STARD10: variants seen among roughly 807,000 people sequenced by gnomAD.
STARD10 encodes the protein START domain-containing protein 10.
A neutral mutation model predicts 36.0 loss-of-function variants in STARD10; 24 were observed. The ratio of observed to expected loss-of-function variants is 0.67; its 90% CI spans 0.48 to 0.94. The LOEUF (loss-of-function observed/expected upper bound fraction) is 0.94, where lower values mean the gene tolerates loss of function less well. STARD10 is among the 40% of genes least tolerant of loss of function. The probability of loss-of-function intolerance (pLI) is 0.00; values close to 1 mark genes in which losing one functional copy is unlikely to be tolerated. For synonymous variants in STARD10, 156 were observed against 161.9 expected (o/e 0.96, Z 0.28); for missense variants, 335 against 396.6 (o/e 0.84, Z 1.32).
At chr11:72,787,109 A>AATGGG in intron 1 of STARD10, among the ~76,000 whole-genome samples, 1 of 151,146 alleles carries the variant, frequency 6.6e-6, no homozygotes, top group South Asian at 2.1e-4. Flanking sequence ...AAAAAAAGGA[A>AATGGG]ATGGGACAGC....
chr11:72,779,078 C>T (rs960283229), intron 2 of STARD10, among the ~76,000 whole-genome samples: 3 of 152,142 alleles, frequency 2.0e-5, no homozygotes, highest in African/African-American at 4.8e-5. Flanking sequence ...GAGGTAGCTC[C>T]GCCCTATTGA....
rs144645537 is a variant in STARD10 at position 72,767,032 on chromosome 11, T to C, written c.208-7651A>G. ...GGCTCTGAAATATCCCACAGGCTGTTCTAACTTCTCCATACATTGCATTTC... is the reference window on the plus strand; with the variant it reads ...GGCTCTGAAATATCCCACAGGCTGTCCTAACTTCTCCATACATTGCATTTC... On this transcript the variant is annotated intron_variant, in intron 2 of 6. Coordinates refer to ENST00000334805, the MANE Select transcript of STARD10 (RefSeq NM_006645.3). Among the ~76,000 whole-genome samples, 776 of 152,336 alleles carry C rather than the reference T, an allele frequency of 5.1e-3. 7 individuals carry two copies. The highest frequency in any genetic ancestry group is 0.016 in the South Asian group (79 of 4,832).
intron 1 of STARD10, among the ~76,000 whole-genome samples, chr11:72,785,611 A>C (rs556579298): frequency 2.1e-4 from 31 of 147,236 alleles, no homozygotes; most frequent in African/African-American, 7.7e-4. Flanking sequence ...TGGGCCTCTC[A>C]GCTCCTAACC....
intron 2 of STARD10, among the ~76,000 whole-genome samples, chr11:72,776,470 G>T (rs1374216593): frequency 6.6e-6 from 1 of 152,160 alleles, no homozygotes; most frequent in Non-Finnish European, 1.5e-5. Flanking sequence ...GCCCAGCTGG[G>T]TCTCCTCTAA....
Position 72,781,340 on chromosome 11 carries a change from G to A in STARD10, c.-113-46C>T. On this transcript the variant is annotated intron_variant, in intron 1 of 6. Transcript: ENST00000334805. The surrounding 1 kb of genome is among the most constrained non-coding windows in gnomAD (Gnocchi z 4.7). The stretch of plus-strand genomic sequence containing the variant: ...CGGGAATCAGTGCGCTGGGGGCGCG[G>A]GTGGGGCTGTTCGGGGTCCTGGCGG... 1 of 640,126 alleles carries A rather than the reference G, an allele frequency of 1.6e-6. No homozygotes were observed. Among genetic ancestry groups the A allele is most frequent in the South Asian group, 1.9e-5 (1 of 52,380 alleles). The allele number at this position is 640,126 out of a possible 1,614,324, so 39.7% of individuals were successfully genotyped here. A position where few individuals can be genotyped will look rare whatever the true frequency, so the allele number is the denominator to read the frequency against.
intron 1 of STARD10, chr11:72,782,507 A>G (rs1442313038): frequency 6.6e-6 from 1 of 151,990 alleles, no homozygotes; most frequent in African/African-American, 2.4e-5. Context: ...CCAGCCCCAC[A>G]CTCTGGCCCT....
At chr11:72,787,953 G>A (rs139417457) in intron 1 of STARD10, among the ~76,000 whole-genome samples, 11 of 152,318 alleles carry the variant, frequency 7.2e-5, no homozygotes, top group African/African-American at 2.2e-4. Flanking sequence ...GAACTGGTGG[G>A]GACTCTGGGG....
intron 2 of STARD10, among the ~76,000 whole-genome samples, chr11:72,764,004 A>G (rs1297188622): frequency 2.0e-5 from 3 of 152,212 alleles, no homozygotes; most frequent in African/African-American, 7.2e-5. Flanking sequence ...CTTAACCATC[A>G]AAGAGCACTC....
chr11:72,763,129 A>G (rs1811597663), intron 2 of STARD10, among the ~76,000 whole-genome samples: 1 of 148,336 alleles, frequency 6.7e-6, no homozygotes, highest in Admixed American at 6.7e-5. Flanking sequence ...CATCCTGGGA[A>G]ATCCCCCAGT....
intron 2 of STARD10, among the ~76,000 whole-genome samples, chr11:72,772,120 G>A (rs984622960): frequency 2.6e-5 from 4 of 152,222 alleles, no homozygotes; most frequent in Admixed American, 6.5e-5. Flanking sequence ...TAGCAGTCAC[G>A]GTTCTCCCTG....
intron 1 of STARD10, chr11:72,790,219 T>A (rs1362582651): frequency 6.6e-6 from 1 of 152,226 alleles, no homozygotes; most frequent in Non-Finnish European, 1.5e-5. Context: ...CAAGCATGAC[T>A]ATGAGGGTAG....
intron 1 of STARD10, chr11:72,790,350 T>G (rs1431883353): frequency 8.1e-6 from 1 of 123,258 alleles, no homozygotes; most frequent in Non-Finnish European, 1.7e-5. Context: ...GCCGTGGGGC[T>G]CTCAGTGAGT....
intron 2 of STARD10, among the ~76,000 whole-genome samples, chr11:72,777,478 C>G (rs1362510026): frequency 6.6e-6 from 1 of 152,262 alleles, no homozygotes; most frequent in African/African-American, 2.4e-5. Flanking sequence ...GTTTCTCACA[C>G]CAATACAGGT....
At chr11:72,772,022 G>T (rs866721538) in intron 2 of STARD10, among the ~76,000 whole-genome samples, 4 of 152,190 alleles carry the variant, frequency 2.6e-5, no homozygotes, top group Non-Finnish European at 4.4e-5. Context: ...CTCCAGTAAA[G>T]TTCCAGGCTT....
At chr11:72,770,335 A>G (rs1858839362) in intron 2 of STARD10, among the ~76,000 whole-genome samples, 1 of 152,142 alleles carries the variant, frequency 6.6e-6, no homozygotes, top group South Asian at 2.1e-4. Flanking sequence ...CTCGTACCTC[A>G]GCCACCTGAG....
chr11:72,761,924 T>TTTTTTTTTTTTTTTTTG (rs1858723580), intron 2 of STARD10, among the ~76,000 whole-genome samples: 1 of 131,622 alleles, frequency 7.6e-6, no homozygotes, highest in Non-Finnish European at 1.6e-5. Flanking sequence ...TTTCTTTTTT[T>TTTTTTTTTTTTTTTTTG]TTTTTTTTTT....
chr11:72,772,765 A>C (rs1591267894), intron 2 of STARD10, among the ~76,000 whole-genome samples: 1 of 151,926 alleles, frequency 6.6e-6, no homozygotes, highest in African/African-American at 2.4e-5. Flanking sequence ...TTATCCCTGA[A>C]CCCCTGCCAC....
intron 1 of STARD10, among the ~76,000 whole-genome samples, chr11:72,786,445 G>C (rs1455144604): frequency 6.6e-5 from 10 of 152,176 alleles, no homozygotes; most frequent in African/African-American, 2.2e-4. Context: ...GTCCTTCACA[G>C]TGGCGATAGG....
At chr11:72,763,979 G>T (rs572636828) in intron 2 of STARD10, among the ~76,000 whole-genome samples, 2 of 152,150 alleles carry the variant, frequency 1.3e-5, no homozygotes, top group African/African-American at 4.8e-5. Context: ...ACTCAAAATC[G>T]GATCTCCCTG....
Sources: allele counts gnomAD v4.1 joint callset (sites outside exome capture counted in the v4.1 genomes callset), GRCh38; gene constraint gnomAD v4.1.1; non-coding constraint Gnocchi (gnomAD v3.1); transcripts MANE v1.5; gene names NCBI Gene and HGNC (gene_info 2026-07-23, HGNC 2026-07-21).